ERMP1: variants seen among roughly 807,000 people sequenced by gnomAD.
ERMP1 encodes endoplasmic reticulum metallopeptidase 1.
A neutral mutation model predicts 92.0 loss-of-function variants in ERMP1; 86 were observed. That is an observed-to-expected ratio of 0.93 (90% CI 0.79 to 1.12). ERMP1 has a LOEUF of 1.12. Ranked by LOEUF, ERMP1 falls within the 50% of genes most tolerant of loss-of-function variation. The pLI is 0.00. For missense variants in ERMP1, 1,342 were observed against 1,116.3 expected, an observed-to-expected ratio of 1.20 and a Z score of -2.88; for synonymous variants, 530 against 412.8, an observed-to-expected ratio of 1.28 and a Z score of -3.44.
chr9:5,818,255 AG>A (rs1829397123), intron 4 of ERMP1, among the ~76,000 whole-genome samples: 1 of 152,174 alleles, frequency 6.6e-6, no homozygotes, highest in Non-Finnish European at 1.5e-5. Context: ...ACTAGCTAGC[AG>A]GTTGTGATAA....
chr9:5,828,043 C>T (rs1829793048), intron 2 of ERMP1, among the ~76,000 whole-genome samples: 2 of 152,294 alleles, frequency 1.3e-5, no homozygotes, highest in South Asian at 4.1e-4. Flanking sequence ...GTGGTTCCCA[C>T]CTGTAATCCC....
intron 6 of ERMP1, among the ~76,000 whole-genome samples, chr9:5,852,437 G>T (rs1049691434): frequency 6.6e-6 from 1 of 151,706 alleles, no homozygotes; most frequent in South Asian, 2.1e-4. Context: ...TGTATATTTT[G>T]TAGAGATGGT....
chr9:5,789,211 G>C (rs1287024598), intron 13 of ERMP1, among the ~76,000 whole-genome samples: 1 of 151,264 alleles, frequency 6.6e-6, no homozygotes, highest in Non-Finnish European at 1.5e-5. Flanking sequence ...ACAACTTCAA[G>C]ACATAACCTA....
At chr9:5,829,467 G>A (rs1829856545) in intron 2 of ERMP1, among the ~76,000 whole-genome samples, 1 of 152,120 alleles carries the variant, frequency 6.6e-6, no homozygotes, top group Non-Finnish European at 1.5e-5. Flanking sequence ...GAGTAATCCA[G>A]AAGTGTTAAT....
Position 5,785,406 on chromosome 9 carries a change from G to C in ERMP1, c.*1738C>G, listed in dbSNP as rs1161621942. The C allele has an allele frequency of 1.3e-5, 2 of 152,152 alleles. No individual in the cohort carries two copies. The highest frequency in any genetic ancestry group is 6.5e-5 in the Admixed American group (1 of 15,278). 9.4% of individuals were successfully genotyped at this position (152,152 alleles called of 1,614,324 possible). On this transcript the variant is annotated 3_prime_UTR_variant, in exon 15 of 15. Coordinates refer to ENST00000339450, the MANE Select transcript of ERMP1 (RefSeq NM_024896.3). Reference sequence around the variant, plus strand: ...AAAATATAAACCCTGCAAACCTTATGTGCTACCTGACAGATAAAAGTAGCA... The same window carrying C: ...AAAATATAAACCCTGCAAACCTTATCTGCTACCTGACAGATAAAAGTAGCA...
Position 5,787,032 on chromosome 9 carries a change from CAT to C in ERMP1, c.*110_*111del. ...GCGTTAACCCAGAAAGCTCTTTGAACATATGATCATTAAAATTCATTGACTTA... is the reference window on the plus strand; with the variant it reads ...GCGTTAACCCAGAAAGCTCTTTGAACATGATCATTAAAATTCATTGACTTA... On this transcript the variant is annotated 3_prime_UTR_variant, in exon 15 of 15. Transcript: ENST00000339450. 1 of 1,123,200 alleles carries C rather than the reference CAT, an allele frequency of 8.9e-7. No individual in the cohort carries two copies. The highest frequency in any genetic ancestry group is 1.3e-6 in the Non-Finnish European group (1 of 795,234). 69.6% of individuals were successfully genotyped at this position (1,123,200 alleles called of 1,614,324 possible).
chr9:5,822,847 CAT>C (rs1248069435), intron 4 of ERMP1, among the ~76,000 whole-genome samples: 1 of 152,054 alleles, frequency 6.6e-6, no homozygotes, highest in Admixed American at 6.5e-5. Flanking sequence ...TTAATTTTTG[CAT>C]GTGTGAAAAA....
Position 5,797,938 on chromosome 9 carries a change from T to C in ERMP1, c.2271-6A>G. 1 of 1,579,312 alleles carries C rather than the reference T, an allele frequency of 6.3e-7. No individual in the cohort carries two copies. The highest frequency in any genetic ancestry group is 1.1e-5 in the South Asian group (1 of 89,898). On this transcript the variant is annotated splice_polypyrimidine_tract_variant and splice_region_variant and intron_variant, in intron 12 of 14. Coordinates refer to ENST00000339450, the MANE Select transcript of ERMP1 (RefSeq NM_024896.3). ...CAGGAAGATACCAGTTTTTCCTATT[T>C]AGAAAGGAAGCTTCAGTTTTAGGGT...
At chr9:5,810,375 T>A (rs755422670) in intron 7 of ERMP1, 144 bp from the exon 8 acceptor site, 10 of 618,658 alleles carry the variant, frequency 1.6e-5, no homozygotes, top group East Asian at 5.5e-5. Context: ...AGTGTTGAGA[T>A]TGGCCAAACA....
At chr9:5,837,451 C>G (rs1340429817), upstream of ERMP1, among the ~76,000 whole-genome samples, 1 of 151,998 alleles carries the variant, frequency 6.6e-6, no homozygotes, top group Non-Finnish European at 1.5e-5. Flanking sequence ...AATCAAGACT[C>G]AAAAGTACAA....
chr9:5,851,304 T>A (rs1249324195), intron 6 of ERMP1, among the ~76,000 whole-genome samples: 1 of 152,264 alleles, frequency 6.6e-6, no homozygotes, highest in East Asian at 1.9e-4. Flanking sequence ...TCATAGCTTT[T>A]CTTTCATTTG....
chr9:5,811,471 A>G (rs910582628), intron 6 of ERMP1, 148 bp from the exon 7 acceptor site: 3 of 665,588 alleles, frequency 4.5e-6, no homozygotes, highest in Non-Finnish European at 7.4e-6. Context: ...GAATGTGAAC[A>G]GAAATCGCTT....
chr9:5,790,009 T>A (rs188873662), intron 13 of ERMP1, among the ~76,000 whole-genome samples: 1 of 152,210 alleles, frequency 6.6e-6, no homozygotes. Flanking sequence ...GATTTTAATA[T>A]ATCCAAATGT....
At chr9:5,800,996 G>C (rs1217409453) in intron 11 of ERMP1, among the ~76,000 whole-genome samples, 180 bp downstream of exon 11, 1 of 152,166 alleles carries the variant, frequency 6.6e-6, no homozygotes, top group East Asian at 1.9e-4. Context: ...TATATGTCTA[G>C]CTGATAAGAA....
chr9:5,802,430 G>T (rs1008328520), intron 10 of ERMP1, among the ~76,000 whole-genome samples: 1 of 152,076 alleles, frequency 6.6e-6, no homozygotes, highest in African/African-American at 2.4e-5. Flanking sequence ...TGTCACCCAG[G>T]CTGGAGTGCA....
chr9:5,805,702 G>A lies in ERMP1; in HGVS notation c.1632C>T (p.Tyr544=). Residue 544 remains tyrosine, a synonymous_variant, in exon 9 of 15, where the codon TAC becomes TAT. Transcript: ENST00000339450. ...VHCCFLVTLT[Y]QGLCSAFISA... ...TAATAAACGCCGAGCAAAGTCCTTGGTAAGTGAGGGTAACAAGAAAACAGC... is the reference window on the plus strand; with the variant it reads ...TAATAAACGCCGAGCAAAGTCCTTGATAAGTGAGGGTAACAAGAAAACAGC... 1 of 1,613,596 alleles carries A rather than the reference G, an allele frequency of 6.2e-7. No homozygotes were observed. The highest frequency in any genetic ancestry group is 8.5e-7 in the Non-Finnish European group (1 of 1,179,812).
At chr9:5,859,321 T>G (rs1381676344) in intron 6 of ERMP1, among the ~76,000 whole-genome samples, 1 of 152,090 alleles carries the variant, frequency 6.6e-6, no homozygotes, top group South Asian at 2.1e-4. Context: ...CTTTTAACCT[T>G]TCAAAGCACT....
At chr9:5,803,960 T>C (rs1563753911) in intron 10 of ERMP1, among the ~76,000 whole-genome samples, 1 of 152,146 alleles carries the variant, frequency 6.6e-6, no homozygotes, top group Non-Finnish European at 1.5e-5. Context: ...CAAAGTCACA[T>C]ATATAGAGCT....
At chr9:5,865,365 G>A (rs1586854612) in intron 5 of ERMP1, among the ~76,000 whole-genome samples, 1 of 152,006 alleles carries the variant, frequency 6.6e-6, no homozygotes, top group African/African-American at 2.4e-5. Context: ...AAAATTAGCT[G>A]AGCGCGGTGG....
Sources: gnomAD v4.1 joint callset for allele counts (sites outside exome capture counted in the v4.1 genomes callset) on GRCh38, gnomAD v4.1.1 for gene constraint, MANE v1.5 for transcripts, NCBI Gene and HGNC (gene_info 2026-07-23, HGNC 2026-07-21) for gene names.